Variants in CCDC40 observed in about 807,000 individuals in gnomAD.
The protein encoded by CCDC40 is coiled-coil domain-containing protein 40.
A neutral mutation model predicts 124.5 loss-of-function variants in CCDC40; 104 were observed. That is an observed-to-expected ratio of 0.84 (90% CI 0.71 to 0.98). The LOEUF (loss-of-function observed/expected upper bound fraction) is 0.98, where lower values mean the gene tolerates loss of function less well. Ranked by LOEUF, CCDC40 falls within the 50% of genes least tolerant of loss-of-function variation. CCDC40 has a pLI of 0.00. For synonymous variants in CCDC40, 580 were observed against 602.9 expected (o/e 0.96, Z 0.56); for missense variants, 1,463 against 1,503.9 (o/e 0.97, Z 0.45).
Position 80,089,939 on chromosome 17 carries a change from T to C in CCDC40, c.2832+55T>C, listed in dbSNP as rs1266840557. The C allele has an allele frequency of 5.6e-6, 9 of 1,604,774 alleles. No individual in the cohort carries two copies. The Admixed American group carries it at 1.2e-4, about 21-fold the overall frequency. ...CTGCTGGGTGCCAGCCCTTGGGCTC[T>C]GGAGACCTGGCCACACCAAGGCCTC... On this transcript the variant is annotated intron_variant, in intron 17 of 19. Coordinates refer to ENST00000397545, the MANE Select transcript of CCDC40 (RefSeq NM_017950.4).
intron 10 of CCDC40, chr17:80,067,526 A>C (rs925500951): frequency 3.3e-5 from 49 of 1,462,794 alleles, no homozygotes; most frequent in Non-Finnish European, 4.4e-5. Flanking sequence ...AGCGCTTCCC[A>C]AGTCAAAATA....
intron 17 of CCDC40, 88 bp from the exon 18 acceptor site, chr17:80,095,175 G>C: frequency 8.0e-7 from 1 of 1,248,718 alleles, no homozygotes; most frequent in Non-Finnish European, 1.2e-6. Flanking sequence ...TGTCACCGGA[G>C]GATGAGCGAG....
At chr17:80,051,900 A>T (rs2143624593) in intron 7 of CCDC40, among the ~76,000 whole-genome samples, 1 of 152,318 alleles carries the variant, frequency 6.6e-6, no homozygotes, top group Middle Eastern at 3.4e-3. Flanking sequence ...GGATTCCAAA[A>T]AGATCCAAAC....
chr17:80,047,141 C>G, intron 3 of CCDC40, 138 bp from the exon 4 acceptor site: 1 of 956,672 alleles, frequency 1.0e-6, no homozygotes, highest in South Asian at 1.4e-5. Flanking sequence ...GCCACGTGCC[C>G]GGCCAGGTTT....
In CCDC40 at chr17:80,040,163, C is replaced by T; in HGVS notation, c.445C>T (p.Pro149Ser). ...QGFQQEATGPPESRERRVTSP... is the reference protein window; with the variant it reads ...QGFQQEATGPSESRERRVTSP... ...CTTCCAGCAAGAGGCCACCGGTCCACCAGAATCCAGAGAAAGGAGGGTCAC... is the reference window on the plus strand; with the variant it reads ...CTTCCAGCAAGAGGCCACCGGTCCATCAGAATCCAGAGAAAGGAGGGTCAC... The change falls in exon 3 of 20, where the codon CCA becomes TCA. Residue 149 changes from proline to serine, a missense_variant. Transcript: ENST00000397545. 1 of 1,613,944 alleles carries T rather than the reference C, an allele frequency of 6.2e-7. No homozygotes were observed. The highest frequency in any genetic ancestry group is 1.7e-5 in the Admixed American group (1 of 60,016).
Position 80,086,440 on chromosome 17 carries a change from A to G in CCDC40, c.2449+224A>G, listed in dbSNP as rs1283804379. Reference sequence around the variant, plus strand: ...CGGGAGGGTTGAGAAATGTCACGAAATGGCTCCAAGCTCACGGACTTCAGA... The same window carrying G: ...CGGGAGGGTTGAGAAATGTCACGAAGTGGCTCCAAGCTCACGGACTTCAGA... On this transcript the variant is annotated intron_variant, in intron 14 of 19. Coordinates refer to ENST00000397545, the MANE Select transcript of CCDC40 (RefSeq NM_017950.4). This position sits in a 1 kb window ranked among gnomAD's most constrained non-coding sequence, Gnocchi z 5.5. 3 of 537,120 alleles carry G rather than the reference A, an allele frequency of 5.6e-6. No individual in the cohort carries two copies. The highest frequency in any genetic ancestry group is 3.0e-5 in the Admixed American group (1 of 33,066). 33.3% of individuals were successfully genotyped at this position (537,120 alleles called of 1,614,324 possible). A position where few individuals can be genotyped will look rare whatever the true frequency, so the allele number is the denominator to read the frequency against.
chr17:80,099,341 G>A lies in CCDC40; in HGVS notation c.3181-186G>A, dbSNP rs56176300. Among the ~76,000 whole-genome samples the A allele has an allele frequency of 0.35, 52,941 of 151,378 alleles. 10,119 individuals are homozygous for A. Among genetic ancestry groups the A allele is most frequent in the African/African-American group, 0.51 (21,033 of 41,198 alleles). On this transcript the variant is annotated intron_variant, in intron 19 of 19. Coordinates refer to ENST00000397545, the MANE Select transcript of CCDC40 (RefSeq NM_017950.4). Reference sequence around the variant, plus strand: ...ATGGTGATGATGGGTGACCCATAAAGCACCGACCCAGTGCCTCTCAGCCTC... The same window carrying A: ...ATGGTGATGATGGGTGACCCATAAAACACCGACCCAGTGCCTCTCAGCCTC...
Position 80,040,059 on chromosome 17 carries a change from AC to A in CCDC40, c.344del (p.Pro115ArgfsTer52), listed in dbSNP as rs766587573. ...EGQISAADTT[Y>X]PYFSPPQELP... ...CAAATCAGTGCTGCAGATACGACTT[AC>A]CCGTATTTCAGTCCTCCTCAGGAAC... On this transcript the variant is annotated frameshift_variant, in exon 3 of 20. Coordinates refer to ENST00000397545, the MANE Select transcript of CCDC40 (RefSeq NM_017950.4). LOFTEE classifies it high-confidence loss of function. 4 of 1,613,968 alleles carry A rather than the reference AC, an allele frequency of 2.5e-6. No individual in the cohort carries two copies. The highest frequency in any genetic ancestry group is 3.4e-6 in the Non-Finnish European group (4 of 1,179,920).
chr17:80,090,658 C>G (rs976444820), intron 17 of CCDC40: 1 of 1,438,708 alleles, frequency 7.0e-7, no homozygotes, highest in Non-Finnish European at 9.1e-7. Flanking sequence ...TCTCATCCTT[C>G]ACAGCCGCGT....
Position 80,095,265 on chromosome 17 carries a change from C to T in CCDC40, c.2835C>T (p.Val945=). The change falls in exon 18 of 20, where the codon GTC becomes GTT. Residue 945 remains valine, a splice_region_variant and synonymous_variant. Coordinates refer to ENST00000397545, the MANE Select transcript of CCDC40 (RefSeq NM_017950.4). Reference sequence around the variant, plus strand: ...AGCCCCTCTGTCCTGTCTCCCAGGTCAGGCTCGGGCAGCTGCTGAAGCAGC... The same window carrying T: ...AGCCCCTCTGTCCTGTCTCCCAGGTTAGGCTCGGGCAGCTGCTGAAGCAGC... ...AMKGEIHRMK[V]RLGQLLKQQE... 6.2e-7 allele frequency: 1 copy of T among 1,613,794 alleles called. No homozygotes were observed. Among genetic ancestry groups the T allele is most frequent in the South Asian group, 1.1e-5 (1 of 91,070 alleles).
In CCDC40 at chr17:80,084,945, A is replaced by C. The variant is rs376612893; in HGVS notation, c.2192A>C (p.Asn731Thr). 1.2e-6 allele frequency: 2 copies of C among 1,614,028 alleles called. No individual in the cohort carries two copies. Among genetic ancestry groups the C allele is most frequent in the East Asian group, 2.2e-5 (1 of 44,878 alleles). ...ATCGAGAGGAAGCAAGGGCTCATCA[A>C]CTTCCTCAACAAGCAGCTGGAGCGG... ...ILIERKQGLINFLNKQLERMV... is the reference protein window; with the variant it reads ...ILIERKQGLITFLNKQLERMV... The change falls in exon 13 of 20, where the codon AAC becomes ACC. Residue 731 changes from asparagine (N) to threonine (T), a missense_variant. Physicochemically the swap from Asn to Thr is moderately conservative, Grantham distance 65. Coordinates refer to ENST00000397545, the MANE Select transcript of CCDC40 (RefSeq NM_017950.4).
chr17:80,082,164 G>A (rs1260675656), intron 12 of CCDC40, 106 bp downstream of exon 12: 9 of 913,602 alleles, frequency 9.9e-6, no homozygotes, highest in Non-Finnish European at 1.6e-5. Flanking sequence ...GTGAGCAGAG[G>A]GCCCTCCTGT....
chr17:80,082,772 G>C (rs1372384312), intron 12 of CCDC40, among the ~76,000 whole-genome samples: 2 of 152,200 alleles, frequency 1.3e-5, no homozygotes, highest in Non-Finnish European at 2.9e-5. Context: ...CAGGCCCCCG[G>C]GCCCCCGCCG....
chr17:80,086,208 G>C lies in CCDC40; in HGVS notation c.2441G>C (p.Arg814Pro), dbSNP rs1237660587. ...ELHIMEQKKL[R>P]VESKIEQEKK... Reference sequence around the variant, plus strand: ...CACATCATGGAGCAGAAGAAACTACGAGTAGAAAGTAAGAGCCGCCGTGCC... The same window carrying C: ...CACATCATGGAGCAGAAGAAACTACCAGTAGAAAGTAAGAGCCGCCGTGCC... Residue 814 changes from arginine to proline, a missense_variant, in exon 14 of 20, where the codon CGA becomes CCA. By Grantham distance (103) the Arg-to-Pro change is moderately radical (BLOSUM62 -2). Transcript: ENST00000397545. This position sits in a 1 kb window ranked among gnomAD's most constrained non-coding sequence, Gnocchi z 5.5. 3 of 1,606,322 alleles carry C rather than the reference G, an allele frequency of 1.9e-6. No individual in the cohort carries two copies. In the East Asian group the frequency reaches 6.7e-5, roughly 36 times the overall value.
At position 80,068,572 on chromosome 17, in the gene CCDC40, AG is replaced by A. The variant is rs1275980771; in HGVS notation, c.1562+2967del. Among the ~76,000 whole-genome samples the A allele has an allele frequency of 2.0e-5, 3 of 152,274 alleles. No individual in the cohort carries two copies. The East Asian group carries it at 5.8e-4, about 29-fold the overall frequency. On this transcript the variant is annotated intron_variant, in intron 10 of 19. Transcript: ENST00000397545. ...GATGTTCAGATTTGTAGAGCATCTT[AG>A]AAAATGGTGACATTCCTGGCTGATG...
intron 7 of CCDC40, 131 bp downstream of exon 7, chr17:80,050,414 A>G (rs1416114535): frequency 2.8e-6 from 2 of 720,446 alleles, no homozygotes; most frequent in Admixed American, 2.1e-5. Flanking sequence ...CACCCTTTTT[A>G]GGAGGGGAAG....
chr17:80,037,541 T>A (rs2037116539), intron 1 of CCDC40, among the ~76,000 whole-genome samples: 1 of 151,348 alleles, frequency 6.6e-6, no homozygotes, highest in Non-Finnish European at 1.5e-5. Flanking sequence ...CATAGAAAAA[T>A]GTTGAAAGAA....
At chr17:80,069,792 GACAGAGAGAGAGAGAGAA>G (rs1326658316) in intron 10 of CCDC40, among the ~76,000 whole-genome samples, 1 of 151,290 alleles carries the variant, frequency 6.6e-6, no homozygotes, top group Non-Finnish European at 1.5e-5. Flanking sequence ...GAGAGAGAGA[GACAGAGAGAGAGAGAGAA>G]AAAAAGAAAG....
In CCDC40 at chr17:80,087,417, CT is replaced by C. The variant is rs1174870590; in HGVS notation, c.2450-189del. 3 of 66,796 alleles carry C rather than the reference CT, an allele frequency of 4.5e-5. No homozygotes were observed. Among genetic ancestry groups the C allele is most frequent in the African/African-American group, 1.2e-4 (1 of 8,028 alleles). The allele number at this position is 66,796 out of a possible 1,614,324, so 4.1% of individuals were successfully genotyped here. A position where few individuals can be genotyped will look rare whatever the true frequency, so the allele number is the denominator to read the frequency against. On this transcript the variant is annotated intron_variant, in intron 14 of 19. Coordinates refer to ENST00000397545, the MANE Select transcript of CCDC40 (RefSeq NM_017950.4). The surrounding 1 kb of genome is among the most constrained non-coding windows in gnomAD (Gnocchi z 4.5). ...AGCTTAGCAGCCAAAAAGAGACCCC[CT>C]GTCCTCTCCTCTCCTCTGTCCTGGC...
Sources: gnomAD v4.1 joint callset for allele counts (sites outside exome capture counted in the v4.1 genomes callset) on GRCh38, gnomAD v4.1.1 for gene constraint, Gnocchi (gnomAD v3.1) non-coding constraint, MANE v1.5 for transcripts, NCBI Gene and HGNC (gene_info 2026-07-23, HGNC 2026-07-21) for gene names.